Variants in NRG1 observed in about 807,000 individuals in gnomAD.
NRG1 encodes the protein pro-neuregulin-1, membrane-bound isoform.
Under a neutral mutation model 63.8 loss-of-function variants are expected in NRG1, and 18 were observed. That is an observed-to-expected ratio of 0.28 (90% CI 0.19 to 0.42). The LOEUF (loss-of-function observed/expected upper bound fraction) is 0.42. Among genes scored for constraint, NRG1 ranks in the 10% least tolerant of loss-of-function variants. The pLI is 1.00. For synonymous variants in NRG1, 302 were observed against 301.3 expected, an observed-to-expected ratio of 1.00 and a Z score of -0.02; for missense variants, 762 against 814.7, an observed-to-expected ratio of 0.94 and a Z score of 0.79.
chr8:32,749,219 C>A (rs934939047), intron 7 of NRG1: 3 of 257,546 alleles, frequency 1.2e-5, no homozygotes, highest in East Asian at 8.6e-5. Flanking sequence ...GTATCAAATG[C>A]CTTTTCTGAT....
At chr8:31,737,806 C>G (rs1007648536) in intron 1 of NRG1, among the ~76,000 whole-genome samples, 1 of 152,058 alleles carries the variant, frequency 6.6e-6, no homozygotes, top group African/African-American at 2.4e-5. Flanking sequence ...GACAAGAAAG[C>G]GTTCCACAGT....
At chr8:32,001,516 A>T (rs1443687394) in intron 1 of NRG1, among the ~76,000 whole-genome samples, 1 of 152,014 alleles carries the variant, frequency 6.6e-6, no homozygotes, top group Non-Finnish European at 1.5e-5. Context: ...ATGAGAAAGG[A>T]CTAATACAAT....
At chr8:32,076,567 G>A (rs1039053302) in intron 1 of NRG1, among the ~76,000 whole-genome samples, 4 of 152,158 alleles carry the variant, frequency 2.6e-5, no homozygotes, top group African/African-American at 7.2e-5. Flanking sequence ...GGGGTCTATC[G>A]GAGGGTGGAA....
chr8:32,054,889 T>C (rs1471072463), intron 1 of NRG1, among the ~76,000 whole-genome samples: 1 of 53,958 alleles, frequency 1.9e-5, no homozygotes, highest in African/African-American at 6.4e-5. Flanking sequence ...TTTTTTTTTT[T>C]TTTTTTTTTT....
intron 1 of NRG1, among the ~76,000 whole-genome samples, chr8:31,979,880 T>C (rs1354773016): frequency 2.6e-5 from 4 of 152,220 alleles, no homozygotes; most frequent in Non-Finnish European, 4.4e-5. Flanking sequence ...ATTAATTCTT[T>C]ACAGCTTCCT....
chr8:32,162,443 A>G (rs1838937172), intron 1 of NRG1, among the ~76,000 whole-genome samples: 1 of 152,330 alleles, frequency 6.6e-6, no homozygotes, highest in Admixed American at 6.5e-5. Flanking sequence ...TGGCATTACA[A>G]CAAAACTCAG....
intron 1 of NRG1, among the ~76,000 whole-genome samples, chr8:32,207,350 G>T (rs1844178846): frequency 6.6e-6 from 1 of 152,194 alleles, no homozygotes; most frequent in Middle Eastern, 3.4e-3. Context: ...CGTAAGGGCA[G>T]AAATGACCAT....
intron 1 of NRG1, among the ~76,000 whole-genome samples, chr8:32,196,617 TAA>T (rs147452955): frequency 0.019 from 2,952 of 152,256 alleles, 90 homozygotes; most frequent in African/African-American, 0.066. Flanking sequence ...CAGTTTTTAT[TAA>T]AGTCTTAGTT....
intron 1 of NRG1, among the ~76,000 whole-genome samples, chr8:31,868,562 T>C (rs1266443375): frequency 6.6e-6 from 1 of 152,166 alleles, no homozygotes; most frequent in Non-Finnish European, 1.5e-5. Context: ...ATATAATCAG[T>C]CCAGCCTGTG....
At chr8:31,709,509 G>C (rs1052343028) in intron 1 of NRG1, among the ~76,000 whole-genome samples, 5 of 151,798 alleles carry the variant, frequency 3.3e-5, no homozygotes, top group Admixed American at 2.0e-4. Context: ...CCTTGTTCTG[G>C]GGCTATTTTA....
At chr8:32,187,273 G>T (rs1003500613) in intron 1 of NRG1, among the ~76,000 whole-genome samples, 1 of 152,236 alleles carries the variant, frequency 6.6e-6, no homozygotes, top group Admixed American at 6.5e-5. Context: ...GCTGGTATTT[G>T]CCTGCCCACC....
intron 10 of NRG1, among the ~76,000 whole-genome samples, chr8:32,759,929 A>G (rs1006980893): frequency 2.0e-5 from 3 of 152,164 alleles, no homozygotes; most frequent in Non-Finnish European, 2.9e-5. Flanking sequence ...GAGAGATTAT[A>G]ATTATATACT....
intron 1 of NRG1, among the ~76,000 whole-genome samples, chr8:31,668,379 G>T (rs1806766122): frequency 6.6e-6 from 1 of 152,280 alleles, no homozygotes; most frequent in Middle Eastern, 3.4e-3. Flanking sequence ...AAAGCAAACT[G>T]GCCTTTATAT....
chr8:32,268,909 C>T (rs1358916440), intron 1 of NRG1, among the ~76,000 whole-genome samples: 3 of 152,164 alleles, frequency 2.0e-5, no homozygotes, highest in African/African-American at 7.2e-5. Flanking sequence ...ATTAGAACAT[C>T]ACTTAAAGAA....
At chr8:31,945,974 C>T (rs1802477822) in intron 1 of NRG1, among the ~76,000 whole-genome samples, 2 of 152,170 alleles carry the variant, frequency 1.3e-5, no homozygotes, top group Admixed American at 6.5e-5. Context: ...AGACCTTCTG[C>T]AGACATCTGT....
Position 31,916,409 on chromosome 8 carries a change from G to A in NRG1, c.37+276978G>A, listed in dbSNP as rs1400210964. Among the ~76,000 whole-genome samples the A allele has an allele frequency of 3.9e-5, 6 of 152,022 alleles. No individual in the cohort carries two copies. The East Asian group carries it at 9.7e-4, about 25-fold the overall frequency. ...GTGATGTTCCCCTTCCTGTGTCCCT[G>A]TGTTCTCATTGTTCAATTCCCACCT... On this transcript the variant is annotated intron_variant, in intron 1 of 10. Coordinates refer to the NRG1 transcript ENST00000519301.
chr8:32,482,167 A>G (rs1825365810), intron 1 of NRG1, among the ~76,000 whole-genome samples: 1 of 152,176 alleles, frequency 6.6e-6, no homozygotes, highest in Non-Finnish European at 1.5e-5. Flanking sequence ...CACATTAGTG[A>G]TATGCATAAT....
chr8:32,663,613 T>C (rs1803411645), intron 5 of NRG1, among the ~76,000 whole-genome samples: 1 of 152,182 alleles, frequency 6.6e-6, no homozygotes, highest in Non-Finnish European at 1.5e-5. Flanking sequence ...TGCCAACTAT[T>C]TTTTGTTCCA....
intron 1 of NRG1, among the ~76,000 whole-genome samples, chr8:32,135,231 T>G (rs1248526171): frequency 6.6e-6 from 1 of 152,166 alleles, no homozygotes; most frequent in Non-Finnish European, 1.5e-5. Context: ...ATTCTAAATA[T>G]AGCAGAATAC....
Sources: allele counts gnomAD v4.1 joint callset (sites outside exome capture counted in the v4.1 genomes callset), GRCh38; gene constraint gnomAD v4.1.1; transcripts MANE v1.5; gene names NCBI Gene and HGNC (gene_info 2026-07-23, HGNC 2026-07-21).